Variants in ST6GALNAC3 observed in about 807,000 individuals in gnomAD.
ST6GALNAC3 encodes the protein alpha-N-acetylgalactosaminide alpha-2,6-sialyltransferase 3.
In ST6GALNAC3, 25 loss-of-function variants were observed where a neutral mutation model predicts 32.7. That is an observed-to-expected ratio of 0.76 (90% confidence interval 0.56 to 1.07). The LOEUF is 1.07. ST6GALNAC3 is among the 50% of genes least tolerant of loss of function. The probability of loss-of-function intolerance (pLI) is 0.00; values close to 1 mark genes in which losing one functional copy is unlikely to be tolerated. For synonymous variants in ST6GALNAC3, 129 were observed against 133.1 expected, an observed-to-expected ratio of 0.97 and a Z score of 0.21; for missense variants, 355 against 382.4, an observed-to-expected ratio of 0.93 and a Z score of 0.60.
intron 2 of ST6GALNAC3, among the ~76,000 whole-genome samples, chr1:76,358,787 C>T (rs1475086400): frequency 1.3e-5 from 2 of 152,206 alleles, no homozygotes; most frequent in African/African-American, 4.8e-5. Context: ...GCCACTCCAA[C>T]CTCATCTCAT....
intron 1 of ST6GALNAC3, among the ~76,000 whole-genome samples, chr1:76,152,083 G>A (rs1420362029): frequency 6.6e-6 from 1 of 152,172 alleles, no homozygotes; most frequent in Non-Finnish European, 1.5e-5. Context: ...TTCTTGGAGT[G>A]AAAAATTGTC....
At chr1:76,384,196 A>G (rs951842319) in intron 2 of ST6GALNAC3, among the ~76,000 whole-genome samples, 1 of 152,174 alleles carries the variant, frequency 6.6e-6, no homozygotes, top group Admixed American at 6.5e-5. Flanking sequence ...AATAATGGAA[A>G]AAGATATACT....
At chr1:76,302,952 C>G (rs1480673947) in intron 1 of ST6GALNAC3, among the ~76,000 whole-genome samples, 1 of 152,000 alleles carries the variant, frequency 6.6e-6, no homozygotes, top group Non-Finnish European at 1.5e-5. Context: ...GCAGAATCTT[C>G]TCAGGTCCAA....
rs1159864958 is a variant in ST6GALNAC3 at position 76,605,861 on chromosome 1, TAAAAAAAAAA to T, written c.624-21572_624-21563del. On this transcript the variant is annotated intron_variant, in intron 3 of 4. Transcript: ENST00000328299. The stretch of plus-strand genomic sequence containing the variant: ...TCCTGGGTAATAGAGGGAGACTCCA[TAAAAAAAAAA>T]AAAAAAAAAAAAAAAAAAGGATGGG... Among the ~76,000 whole-genome samples, 34 of 58,900 alleles carry T rather than the reference TAAAAAAAAAA, an allele frequency of 5.8e-4. No individual in the cohort carries two copies. The South Asian group carries it at 0.017, about 29-fold the overall frequency. The allele number at this position is 58,900 out of a possible 152,430, so 38.6% of individuals were successfully genotyped here. A position where few individuals can be genotyped will look rare whatever the true frequency, so the allele number is the denominator to read the frequency against.
At chr1:76,253,127 A>G (rs1261861843) in intron 1 of ST6GALNAC3, among the ~76,000 whole-genome samples, 1 of 152,152 alleles carries the variant, frequency 6.6e-6, no homozygotes, top group Non-Finnish European at 1.5e-5. Flanking sequence ...ATACACACAT[A>G]TATACACTAA....
chr1:76,424,894 G>A (rs557366136), intron 3 of ST6GALNAC3, among the ~76,000 whole-genome samples: 1 of 151,940 alleles, frequency 6.6e-6, no homozygotes, highest in South Asian at 2.1e-4. Context: ...TTTGTTTTGA[G>A]TCCTTTGAGT....
At chr1:76,179,905 T>C (rs1233048222) in intron 1 of ST6GALNAC3, among the ~76,000 whole-genome samples, 1 of 152,218 alleles carries the variant, frequency 6.6e-6, no homozygotes, top group Non-Finnish European at 1.5e-5. Context: ...CTGACCAATT[T>C]TGCCTTATTA....
At chr1:76,403,574 T>G (rs550568021) in intron 2 of ST6GALNAC3, among the ~76,000 whole-genome samples, 80 of 152,206 alleles carry the variant, frequency 5.3e-4, no homozygotes, top group African/African-American at 1.9e-3. Flanking sequence ...TCCTCAGAAA[T>G]TGTCTGTCTT....
At chr1:76,582,704 A>G (rs1248132213) in intron 3 of ST6GALNAC3, among the ~76,000 whole-genome samples, 3 of 152,160 alleles carry the variant, frequency 2.0e-5, no homozygotes, top group African/African-American at 7.2e-5. Flanking sequence ...AAGCGGAACA[A>G]AAATATGCTT....
chr1:76,484,848 G>T (rs1659992596), intron 3 of ST6GALNAC3, among the ~76,000 whole-genome samples: 2 of 152,110 alleles, frequency 1.3e-5, no homozygotes, highest in Non-Finnish European at 2.9e-5. Flanking sequence ...GTATGATATT[G>T]GCTGTGGGTT....
intron 3 of ST6GALNAC3, among the ~76,000 whole-genome samples, chr1:76,602,534 T>C (rs947033744): frequency 5.3e-5 from 8 of 152,226 alleles, no homozygotes; most frequent in African/African-American, 1.9e-4. Flanking sequence ...TAATACTAAA[T>C]AATAGATTTG....
chr1:76,321,604 C>T (rs1268584709), intron 2 of ST6GALNAC3, among the ~76,000 whole-genome samples: 1 of 152,200 alleles, frequency 6.6e-6, no homozygotes, highest in African/African-American at 2.4e-5. Context: ...AGTAGTCTTT[C>T]CAAATCTGCA....
At chr1:76,354,974 A>G (rs933577663) in intron 2 of ST6GALNAC3, among the ~76,000 whole-genome samples, 5 of 152,192 alleles carry the variant, frequency 3.3e-5, no homozygotes, top group African/African-American at 1.2e-4. Context: ...TTATTTTTGG[A>G]TGCAGAGGTT....
chr1:76,486,125 A>G (rs1010883034), intron 3 of ST6GALNAC3, among the ~76,000 whole-genome samples: 2 of 152,218 alleles, frequency 1.3e-5, no homozygotes, highest in African/African-American at 4.8e-5. Flanking sequence ...ACATTTGCTA[A>G]GGAGTGCTTT....
chr1:76,104,672 T>C (rs868019670), intron 1 of ST6GALNAC3, among the ~76,000 whole-genome samples: 1 of 152,052 alleles, frequency 6.6e-6, no homozygotes, highest in Non-Finnish European at 1.5e-5. Flanking sequence ...TTTTCTCTCT[T>C]TTACTTATCT....
chr1:76,186,829 G>A (rs1457210944), intron 1 of ST6GALNAC3, among the ~76,000 whole-genome samples: 1 of 152,086 alleles, frequency 6.6e-6, no homozygotes, highest in African/African-American at 2.4e-5. Context: ...AGTTTTTAGA[G>A]TTCCCTGAGG....
intron 1 of ST6GALNAC3, among the ~76,000 whole-genome samples, chr1:76,184,293 C>T (rs1653388442): frequency 6.6e-6 from 1 of 152,206 alleles, no homozygotes. Flanking sequence ...AATCCCAGCA[C>T]TTTGGGAGGC....
chr1:76,460,604 CTG>C (rs1036435157), intron 3 of ST6GALNAC3, among the ~76,000 whole-genome samples: 2 of 152,138 alleles, frequency 1.3e-5, no homozygotes, highest in Admixed American at 6.6e-5. Context: ...AGTTTCATCA[CTG>C]TGTGTTTCCA....
intron 3 of ST6GALNAC3, among the ~76,000 whole-genome samples, chr1:76,615,174 G>A (rs1648216075): frequency 6.6e-6 from 1 of 152,150 alleles, no homozygotes; most frequent in African/African-American, 2.4e-5. Flanking sequence ...TCACTCATCA[G>A]TTTCCTTTTG....
Sources: allele counts gnomAD v4.1 joint callset (sites outside exome capture counted in the v4.1 genomes callset), GRCh38; gene constraint gnomAD v4.1.1; transcripts MANE v1.5; gene names NCBI Gene and HGNC (gene_info 2026-07-23, HGNC 2026-07-21).